Variants in GAST observed in about 807,000 individuals in gnomAD.
The protein encoded by GAST is preprogastrin.
Under a neutral mutation model 12.5 loss-of-function variants are expected in GAST, and 9 were observed. The ratio of observed to expected loss-of-function variants is 0.72; its 90% CI spans 0.43 to 1.25. GAST has a LOEUF of 1.25. Ranked by LOEUF, GAST falls within the 50% of genes most tolerant of loss-of-function variation. The pLI is 0.00. For synonymous variants in GAST, 52 were observed against 51.1 expected (o/e 1.02, Z -0.08); for missense variants, 121 against 127.7 (o/e 0.95, Z 0.25).
At position 41,715,657 on chromosome 17, in the gene GAST, G is replaced by T; in HGVS notation, c.211+10G>T. On this transcript the variant is annotated intron_variant, in intron 2 of 2. Transcript: ENST00000329402. Reference sequence around the variant, plus strand: ...CCACACCTCGTGGCAGGTAGGAGCTGCTGACTGCCCTGCTTGCCTCACTTG... The same window carrying T: ...CCACACCTCGTGGCAGGTAGGAGCTTCTGACTGCCCTGCTTGCCTCACTTG... 6.2e-7 allele frequency: 1 copy of T among 1,612,408 alleles called. No homozygotes were observed. The highest frequency in any genetic ancestry group is 8.5e-7 in the Non-Finnish European group (1 of 1,178,970).
In GAST at chr17:41,715,556, G is replaced by A. The variant is rs1555585766; in HGVS notation, c.120G>A (p.Arg40=). The A allele has an allele frequency of 6.2e-7, 1 of 1,613,474 alleles. No homozygotes were observed. The highest frequency in any genetic ancestry group is 1.1e-5 in the South Asian group (1 of 91,080). ...PDAPLGTGAN[R]DLELPWLEQQ... ...CACCCTTAGGTACAGGGGCCAACAG[G>A]GACCTGGAGCTACCCTGGCTGGAGC... The change falls in exon 2 of 3, where the codon AGG becomes AGA. Residue 40 remains arginine (R), a synonymous_variant. Transcript: ENST00000329402.
At chr17:41,714,295 C>G (rs1048430558) in intron 1 of GAST, among the ~76,000 whole-genome samples, 3 of 152,114 alleles carry the variant, frequency 2.0e-5, no homozygotes, top group African/African-American at 7.2e-5. Flanking sequence ...ACCTCGGCCT[C>G]CCAAGTAGCT....
At chr17:41,713,158 C>T (rs1309846456) in intron 1 of GAST, among the ~76,000 whole-genome samples, 1 of 152,090 alleles carries the variant, frequency 6.6e-6, no homozygotes, top group African/African-American at 2.4e-5. Context: ...CTCAAGTGAT[C>T]CAACCCCCTC....
intron 1 of GAST, 132 bp from the exon 2 acceptor site, chr17:41,715,299 TA>T (rs11286851): frequency 0.6 from 330,084 of 553,690 alleles, 62,175 homozygotes; most frequent in Admixed American, 0.64. Flanking sequence ...AAACTCTGTC[TA>T]AAAAAAAAAA....
At chr17:41,715,326 C>A in intron 1 of GAST, 106 bp from the exon 2 acceptor site, 1 of 752,706 alleles carries the variant, frequency 1.3e-6, no homozygotes, top group Non-Finnish European at 2.2e-6. Flanking sequence ...AAGAATTGCA[C>A]ACTCATCAGC....
chr17:41,714,989 T>C (rs57469188), intron 1 of GAST, among the ~76,000 whole-genome samples: 5,495 of 152,036 alleles, frequency 0.036, 323 homozygotes, highest in African/African-American at 0.12. Flanking sequence ...GAAGAAATAG[T>C]CCACAACTCC....
chr17:41,715,903 C>T lies in GAST; in HGVS notation c.*31C>T, dbSNP rs1910971723. 5.9e-6 allele frequency: 9 copies of T among 1,515,474 alleles called. No homozygotes were observed. The highest frequency in any genetic ancestry group is 8.1e-6 in the Non-Finnish European group (9 of 1,115,744). 93.9% of individuals were successfully genotyped at this position (1,515,474 alleles called of 1,614,324 possible). A position where few individuals can be genotyped will look rare whatever the true frequency, so the allele number is the denominator to read the frequency against. On this transcript the variant is annotated 3_prime_UTR_variant, in exon 3 of 3. Transcript: ENST00000329402. Reference sequence around the variant, plus strand: ...CTAGAACCAAGCTTCAGAGCCTAGCCACCTCCCACCCCACTCCAGCCCTGT... The same window carrying T: ...CTAGAACCAAGCTTCAGAGCCTAGCTACCTCCCACCCCACTCCAGCCCTGT...
chr17:41,713,950 T>G (rs1910913900), intron 1 of GAST, among the ~76,000 whole-genome samples: 1 of 152,212 alleles, frequency 6.6e-6, no homozygotes, highest in South Asian at 2.1e-4. Flanking sequence ...ACATAATTGC[T>G]AATGGTGACA....
intron 1 of GAST, among the ~76,000 whole-genome samples, chr17:41,714,690 A>C (rs1011143738): frequency 6.6e-6 from 1 of 152,060 alleles, no homozygotes; most frequent in Non-Finnish European, 1.5e-5. Context: ...TGGGAGGATC[A>C]CCTGAGCCCA....
chr17:41,714,938 C>T (rs1910935673), intron 1 of GAST, among the ~76,000 whole-genome samples: 1 of 152,088 alleles, frequency 6.6e-6, no homozygotes, highest in Admixed American at 6.6e-5. Flanking sequence ...CACAAGACTT[C>T]GGGGCTGGTG....
intron 1 of GAST, among the ~76,000 whole-genome samples, chr17:41,715,190 T>G (rs1910941290): frequency 6.6e-6 from 1 of 151,802 alleles, no homozygotes; most frequent in Admixed American, 6.6e-5. Context: ...GTCACAGATA[T>G]TCTGGAGGCT....
At chr17:41,713,473 T>C (rs571687582) in intron 1 of GAST, among the ~76,000 whole-genome samples, 1 of 152,214 alleles carries the variant, frequency 6.6e-6, no homozygotes, top group East Asian at 1.9e-4. Context: ...AGCAGATTGC[T>C]TGAGCTCAGG....
Position 41,715,832 on chromosome 17 carries a change from G to A in GAST, c.266G>A (p.Trp89Ter), listed in dbSNP as rs375174671. 2 of 1,612,512 alleles carry A rather than the reference G, an allele frequency of 1.2e-6. No individual in the cohort carries two copies. Among genetic ancestry groups the A allele is most frequent in the African/African-American group, 1.3e-5 (1 of 74,772 alleles). ...GAGGAAGAAGAAGAAGCCTATGGAT[G>A]GATGGACTTCGGCCGCCGCAGTGCT... ...WLEEEEEAYG[W>*]MDFGRRSAED... The change falls in exon 3 of 3, where the codon TGG becomes TAG. Residue 89 changes from tryptophan (W) to a stop codon, truncating the protein, a stop_gained. Coordinates refer to ENST00000329402, the MANE Select transcript of GAST (RefSeq NM_000805.5). LOFTEE classifies it high-confidence loss of function.
chr17:41,714,897 G>A (rs1910934302), intron 1 of GAST, among the ~76,000 whole-genome samples: 1 of 152,208 alleles, frequency 6.6e-6, no homozygotes, highest in South Asian at 2.1e-4. Context: ...TAGAAGCAGT[G>A]GCTGTAATCG....
chr17:41,715,543 C>CAG lies in GAST; in HGVS notation c.108_109dup (p.Gly37GlufsTer?). The stretch of plus-strand genomic sequence containing the variant: ...CAGCAGCCAGATGCACCCTTAGGTA[C>CAG]AGGGGCCAACAGGGACCTGGAGCTA... On this transcript the variant is annotated frameshift_variant, in exon 2 of 3. Coordinates refer to ENST00000329402, the MANE Select transcript of GAST (RefSeq NM_000805.5). LOFTEE classifies it high-confidence loss of function. 1 of 1,613,488 alleles carries CAG rather than the reference C, an allele frequency of 6.2e-7. No individual in the cohort carries two copies. Among genetic ancestry groups the CAG allele is most frequent in the East Asian group, 2.2e-5 (1 of 44,862 alleles).
chr17:41,715,227 G>A (rs1910942084), intron 1 of GAST, among the ~76,000 whole-genome samples: 1 of 151,688 alleles, frequency 6.6e-6, no homozygotes, highest in Non-Finnish European at 1.5e-5. Context: ...TTGAACCCGG[G>A]AGGCGGAGGT....
chr17:41,713,886 G>C (rs1910912912), intron 1 of GAST, among the ~76,000 whole-genome samples: 1 of 152,158 alleles, frequency 6.6e-6, no homozygotes, highest in Admixed American at 6.5e-5. Flanking sequence ...ATGTTTGTTT[G>C]AGATTCCAGT....
intron 1 of GAST, among the ~76,000 whole-genome samples, chr17:41,713,168 C>CA (rs1398134675): frequency 6.6e-6 from 1 of 152,130 alleles, no homozygotes; most frequent in Non-Finnish European, 1.5e-5. Context: ...CCAACCCCCT[C>CA]AGCCTCCCAA....
At position 41,715,967 on chromosome 17, in the gene GAST, G is replaced by T; in HGVS notation, c.*95G>T. On this transcript the variant is annotated 3_prime_UTR_variant, in exon 3 of 3. Coordinates refer to ENST00000329402, the MANE Select transcript of GAST (RefSeq NM_000805.5). ...GATCAAAAATAAACTAGTTTCCAGT[G>T]GATCAATGGACTGTGTCAGTGTTGT... is the stretch of plus-strand genomic sequence containing the variant. 1 of 924,918 alleles carries T rather than the reference G, an allele frequency of 1.1e-6. No individual in the cohort carries two copies. The highest frequency in any genetic ancestry group is 1.6e-6 in the Non-Finnish European group (1 of 613,464). 57.3% of individuals were successfully genotyped at this position (924,918 alleles called of 1,614,324 possible).
Sources: allele counts gnomAD v4.1 joint callset (sites outside exome capture counted in the v4.1 genomes callset), GRCh38; gene constraint gnomAD v4.1.1; transcripts MANE v1.5; gene names NCBI Gene and HGNC (gene_info 2026-07-23, HGNC 2026-07-21).